Variants in PGAP2 observed in about 807,000 individuals in gnomAD.
PGAP2 encodes the protein acyltransferase PGAP2.
A neutral mutation model predicts 33.2 loss-of-function variants in PGAP2; 21 were observed. That is an observed-to-expected ratio of 0.63 (90% CI 0.45 to 0.91). The LOEUF (loss-of-function observed/expected upper bound fraction) is 0.91, where lower values mean the gene tolerates loss of function less well. PGAP2 is among the 40% of genes least tolerant of loss of function. The pLI, the probability that PGAP2 is intolerant of heterozygous loss-of-function variation, is 0.00. For missense variants in PGAP2, 345 were observed against 424.0 expected, an observed-to-expected ratio of 0.81 and a Z score of 1.64; for synonymous variants, 161 against 172.9, an observed-to-expected ratio of 0.93 and a Z score of 0.54.
At chr11:3,797,978 G>T in exon 1 of PGAP2, 2 of 1,545,972 alleles carry the variant, frequency 1.3e-6, no homozygotes, top group Non-Finnish European at 1.7e-6. Flanking sequence ...CCCCAGAATG[G>T]CATGGTAACT....
rs916705410 is a variant in PGAP2, at chr11:3,798,835, G to A, written c.139+853G>A. Among the ~76,000 whole-genome samples, 18 of 138,102 alleles carry A rather than the reference G, an allele frequency of 1.3e-4. No individual in the cohort carries two copies. In the East Asian group the frequency reaches 3.9e-3, roughly 30 times the overall value. The allele number at this position is 138,102 out of a possible 152,430, so 90.6% of individuals were successfully genotyped here. A position where few individuals can be genotyped will look rare whatever the true frequency, so the allele number is the denominator to read the frequency against. On this transcript the variant is annotated intron_variant, in intron 1 of 6. Coordinates refer to the PGAP2 transcript ENST00000300730. ...ATTTTGTATTTTTAGTAGAGATGGG[G>A]TTTCACCATGTTGGCCAGGCTGGTC...
At chr11:3,807,935 AT>A, upstream of PGAP2, 1 of 621,318 alleles carries the variant, frequency 1.6e-6, no homozygotes, top group Non-Finnish European at 2.2e-6. Context: ...GTTTTGGGGG[AT>A]CAATCCTCTC....
At chr11:3,797,734 G>A (rs180810726), upstream of PGAP2, 1,708 of 1,288,586 alleles carry the variant, frequency 1.3e-3, 2 homozygotes, top group Non-Finnish European at 1.7e-3. Flanking sequence ...GGAGTTCGGG[G>A]AGGCACAGGG....
chr11:3,798,369 G>C (rs902194408), intron 1 of PGAP2, among the ~76,000 whole-genome samples: 3 of 152,044 alleles, frequency 2.0e-5, no homozygotes, highest in Non-Finnish European at 4.4e-5. Context: ...TCGCGTTGTC[G>C]CCTAGGGTGG....
chr11:3,806,843 G>A (rs573701915), upstream of PGAP2, among the ~76,000 whole-genome samples: 4 of 151,916 alleles, frequency 2.6e-5, no homozygotes, highest in East Asian at 1.9e-4. Flanking sequence ...CCAATATGGC[G>A]AAACCCCATC....
chr11:3,825,228 T>C, intron 6 of PGAP2, 100 bp downstream of exon 6: 6 of 1,547,216 alleles, frequency 3.9e-6, no homozygotes, highest in East Asian at 4.5e-5. Context: ...GCTGCCATTG[T>C]GTTCTCTGTG....
intron 1 of PGAP2, among the ~76,000 whole-genome samples, chr11:3,800,651 A>G (rs1337135944): frequency 6.6e-6 from 1 of 151,834 alleles, no homozygotes; most frequent in South Asian, 2.1e-4. Flanking sequence ...CTCTACTGAA[A>G]ATACAAAAAA....
chr11:3,825,368 A>G lies in PGAP2; in HGVS notation c.858A>G (p.Leu286=). ...IFAILEYTVV[L]TNMAFHMTAW... ...CCATCCTGGAGTACACTGTTGTCTT[A>G]ACCAACATGGCGTTCCACATGACGG... The change falls in exon 7 of 7, where the codon TTA becomes TTG. Residue 286 remains leucine (L), a synonymous_variant. Transcript: ENST00000278243. 6.2e-7 allele frequency: 1 copy of G among 1,613,830 alleles called. No individual in the cohort carries two copies. Among genetic ancestry groups the G allele is most frequent in the Non-Finnish European group, 8.5e-7 (1 of 1,179,868 alleles).
upstream of PGAP2, among the ~76,000 whole-genome samples, chr11:3,805,922 T>C (rs964467253): frequency 6.6e-6 from 1 of 151,838 alleles, no homozygotes; most frequent in Non-Finnish European, 1.5e-5. Flanking sequence ...CTTGACCTTG[T>C]GATCCGCCCA....
At chr11:3,804,559 C>T (rs556696087), upstream of PGAP2, among the ~76,000 whole-genome samples, 2 of 152,318 alleles carry the variant, frequency 1.3e-5, no homozygotes, top group East Asian at 3.9e-4. Flanking sequence ...CCCAGCCATG[C>T]TCACTGTGTC....
chr11:3,808,612 G>A lies in PGAP2; in HGVS notation c.-50G>A. 1 of 1,325,426 alleles carries A rather than the reference G, an allele frequency of 7.5e-7. No individual in the cohort carries two copies. Among genetic ancestry groups the A allele is most frequent in the Non-Finnish European group, 9.6e-7 (1 of 1,036,866 alleles). 82.1% of individuals were successfully genotyped at this position (1,325,426 alleles called of 1,614,324 possible). ...CAGCCCCCGACCCCGGGCCACCTGG[G>A]CCCCCGGGTTCCGCCGGCACTCTCG... On this transcript the variant is annotated 5_prime_UTR_variant, in exon 1 of 7. Transcript: ENST00000278243.
At chr11:3,804,050 C>G (rs2083922712), upstream of PGAP2, among the ~76,000 whole-genome samples, 1 of 152,104 alleles carries the variant, frequency 6.6e-6, no homozygotes, top group African/African-American at 2.4e-5. Context: ...CTCAGCCTAC[C>G]AAAGTGCTGG....
upstream of PGAP2, among the ~76,000 whole-genome samples, chr11:3,804,444 C>T (rs1255456809): frequency 1.3e-5 from 2 of 152,090 alleles, no homozygotes; most frequent in African/African-American, 4.8e-5. Flanking sequence ...TCCTCCTCAA[C>T]CCAGGAAGGA....
chr11:3,824,649 G>A lies in PGAP2; in HGVS notation c.708+273G>A, dbSNP rs886673295. Reference sequence around the variant, plus strand: ...ATAGAATGAGGAGTCGCATCTAGGCGGCAGTGAGTTAGGAACAGTGTCAGA... The same window carrying A: ...ATAGAATGAGGAGTCGCATCTAGGCAGCAGTGAGTTAGGAACAGTGTCAGA... On this transcript the variant is annotated intron_variant, in intron 5 of 6. Coordinates refer to ENST00000278243, the MANE Select transcript of PGAP2 (RefSeq NM_014489.4). 4.8e-5 allele frequency: 34 copies of A among 709,126 alleles called. 1 individual carries two copies. The Middle Eastern group carries it at 2.0e-3, about 41-fold the overall frequency. The allele number at this position is 709,126 out of a possible 1,614,324, so 43.9% of individuals were successfully genotyped here. A position where few individuals can be genotyped will look rare whatever the true frequency, so the allele number is the denominator to read the frequency against.
rs931858056 is a variant in PGAP2 at position 3,808,641 on chromosome 11, C to G, written c.-21C>G. 6 of 1,280,658 alleles carry G rather than the reference C, an allele frequency of 4.7e-6. No homozygotes were observed. Among genetic ancestry groups the G allele is most frequent in the Non-Finnish European group, 5.9e-6 (6 of 1,008,980 alleles). 79.3% of individuals were successfully genotyped at this position (1,280,658 alleles called of 1,614,324 possible). On this transcript the variant is annotated 5_prime_UTR_variant, in exon 1 of 7. Coordinates refer to ENST00000278243, the MANE Select transcript of PGAP2 (RefSeq NM_014489.4). ...CCGGGTTCCGCCGGCACTCTCGCCA[C>G]CACCGCGTGGGTGAGTATGGGCATG...
chr11:3,802,826 C>CT (rs142858427), intron 1 of PGAP2, among the ~76,000 whole-genome samples: 103 of 139,288 alleles, frequency 7.4e-4, no homozygotes, highest in Admixed American at 2.8e-3. Context: ...TGTTTTGTTT[C>CT]TTTTTTTTTT....
intron 3 of PGAP2, among the ~76,000 whole-genome samples, chr11:3,822,206 T>C (rs1372899226): frequency 6.6e-6 from 1 of 151,004 alleles, no homozygotes; most frequent in South Asian, 2.1e-4. Flanking sequence ...CTACTAAAAA[T>C]ACAAAAAATT....
At chr11:3,817,674 G>A (rs2087394976) in intron 3 of PGAP2, 139 bp downstream of exon 3, 2 of 741,878 alleles carry the variant, frequency 2.7e-6, no homozygotes, top group Non-Finnish European at 2.4e-6. Flanking sequence ...AGGTAAGTCA[G>A]AGTCAGAGAT....
intron 1 of PGAP2, among the ~76,000 whole-genome samples, chr11:3,801,874 G>A (rs1276393211): frequency 2.0e-5 from 3 of 152,114 alleles, no homozygotes; most frequent in Admixed American, 6.6e-5. Context: ...GAACCCGGGA[G>A]GTGGAGGTTG....
Sources: allele counts gnomAD v4.1 joint callset (sites outside exome capture counted in the v4.1 genomes callset), GRCh38; gene constraint gnomAD v4.1.1; transcripts MANE v1.5; gene names NCBI Gene and HGNC (gene_info 2026-07-23, HGNC 2026-07-21).